SOX5: variants seen among roughly 807,000 people sequenced by gnomAD.
The protein encoded by SOX5 is SRY-box transcription factor 5, also known as transcription factor SOX-5.
In SOX5, 9 loss-of-function variants were observed where a neutral mutation model predicts 92.0. That is an observed-to-expected ratio of 0.10 (90% CI 0.06 to 0.17). SOX5 has a LOEUF of 0.17. Among genes scored for constraint, SOX5 ranks in the 10% least tolerant of loss-of-function variants. SOX5 has a pLI of 1.00. For synonymous variants in SOX5, 344 were observed against 336.3 expected, an observed-to-expected ratio of 1.02 and a Z score of -0.25; for missense variants, 642 against 944.5, an observed-to-expected ratio of 0.68 and a Z score of 4.20.
chr12:24,413,753 A>C (rs1964525860), intron 1 of SOX5, among the ~76,000 whole-genome samples: 1 of 152,240 alleles, frequency 6.6e-6, no homozygotes, highest in Non-Finnish European at 1.5e-5. Context: ...CTAGCCCACA[A>C]GAGGTTCCAA....
intron 4 of SOX5, among the ~76,000 whole-genome samples, chr12:24,110,459 C>T (rs986753850): frequency 6.6e-6 from 1 of 152,182 alleles, no homozygotes; most frequent in East Asian, 1.9e-4. Context: ...GATGACTGAT[C>T]TGGGAAGAGA....
At chr12:24,179,247 G>A (rs1333427712) in intron 4 of SOX5, among the ~76,000 whole-genome samples, 1 of 152,136 alleles carries the variant, frequency 6.6e-6, no homozygotes, top group Non-Finnish European at 1.5e-5. Flanking sequence ...ATCAATTTTT[G>A]TAACACTTTC....
intron 9 of SOX5, among the ~76,000 whole-genome samples, chr12:23,599,126 A>G (rs887147635): frequency 6.6e-6 from 1 of 152,222 alleles, no homozygotes; most frequent in African/African-American, 2.4e-5. Context: ...AATAGGAGTC[A>G]TCGGCACTGC....
Position 23,547,673 on chromosome 12 carries a change from A to AAATT in SOX5, c.1489-1253_1489-1250dup, listed in dbSNP as rs143712549. On this transcript the variant is annotated intron_variant, in intron 11 of 14. Coordinates refer to ENST00000451604, the MANE Select transcript of SOX5 (RefSeq NM_006940.6). ...TTGGAACTCCTGTACTCTATTCATC[A>AAATT]AATTATGTACATTATTTAATAGAAA... Among the ~76,000 whole-genome samples, 6 of 152,270 alleles carry AAATT rather than the reference A, an allele frequency of 3.9e-5. No individual in the cohort carries two copies. The East Asian group carries it at 1.2e-3, about 29-fold the overall frequency.
chr12:23,865,428 C>A (rs1048511844), intron 2 of SOX5, among the ~76,000 whole-genome samples: 1 of 152,166 alleles, frequency 6.6e-6, no homozygotes, highest in African/African-American at 2.4e-5. Flanking sequence ...GTAATCACAG[C>A]ACTTTGGGAG....
At chr12:23,884,670 T>G (rs2097042564) in intron 2 of SOX5, among the ~76,000 whole-genome samples, 1 of 152,172 alleles carries the variant, frequency 6.6e-6, no homozygotes, top group South Asian at 2.1e-4. Context: ...CTGAGCAGAA[T>G]TATTAAGTGC....
chr12:24,113,657 A>T (rs1593278336), intron 4 of SOX5, among the ~76,000 whole-genome samples: 1 of 152,342 alleles, frequency 6.6e-6, no homozygotes, highest in East Asian at 1.9e-4. Context: ...GGATGTAATT[A>T]TCAGTGGATA....
intron 2 of SOX5, among the ~76,000 whole-genome samples, chr12:23,886,466 A>C (rs1595379278): frequency 6.6e-6 from 1 of 152,154 alleles, no homozygotes; most frequent in East Asian, 1.9e-4. Flanking sequence ...CCATGGACAA[A>C]TGAGTTACCA....
In SOX5 at chr12:23,850,428, CA is replaced by C. The variant is rs1377680790; in HGVS notation, c.271-4236del. 6.4e-3 allele frequency among the ~76,000 whole-genome samples: 448 copies of C among 70,500 alleles called. 6 individuals carry two copies. In the East Asian group the frequency reaches 0.075, roughly 12 times the overall value. 46.3% of individuals were successfully genotyped at this position (70,500 alleles called of 152,430 possible). A position where few individuals can be genotyped will look rare whatever the true frequency, so the allele number is the denominator to read the frequency against. On this transcript the variant is annotated intron_variant, in intron 2 of 14. Transcript: ENST00000451604. ...TGGTGACAGAGTGAGACTCTGTCTA[CA>C]AAAAAAAAATAAATAAATAAATAAA... is the stretch of plus-strand genomic sequence containing the variant.
At chr12:23,838,843 T>TTTG (rs1555374991) in intron 3 of SOX5, among the ~76,000 whole-genome samples, 1 of 38,150 alleles carries the variant, frequency 2.6e-5, no homozygotes, top group African/African-American at 9.9e-5. Flanking sequence ...TCTTTTTTTT[T>TTTG]GGGGGGGGGG....
intron 2 of SOX5, among the ~76,000 whole-genome samples, chr12:24,339,633 T>C (rs1952347314): frequency 6.6e-6 from 1 of 152,072 alleles, no homozygotes; most frequent in Non-Finnish European, 1.5e-5. Flanking sequence ...AACAAAGAAA[T>C]GATTGTATAA....
intron 9 of SOX5, among the ~76,000 whole-genome samples, chr12:23,598,387 CTTTTTTTTTTTTTT>C (rs201719026): frequency 9.1e-4 from 87 of 95,160 alleles, no homozygotes; most frequent in Admixed American, 1.7e-3. Flanking sequence ...TGTGCTTTAT[CTTTTTTTTTTTTTT>C]TTTTTTTTTT....
chr12:23,918,021 A>C (rs2097435867), intron 1 of SOX5, among the ~76,000 whole-genome samples: 1 of 152,210 alleles, frequency 6.6e-6, no homozygotes. Context: ...ATTTCATAAA[A>C]TAAAGACTAC....
chr12:24,238,365 G>T (rs79613916), intron 3 of SOX5, among the ~76,000 whole-genome samples: 1 of 152,188 alleles, frequency 6.6e-6, no homozygotes, highest in East Asian at 1.9e-4. Context: ...GTAGTTTTTT[G>T]AGTTTTTTGT....
intron 4 of SOX5, among the ~76,000 whole-genome samples, chr12:24,185,132 T>C (rs1338963711): frequency 1.3e-5 from 2 of 152,148 alleles, no homozygotes; most frequent in African/African-American, 2.4e-5. Flanking sequence ...TAATGGGATA[T>C]AGATATGGGT....
chr12:23,707,704 T>A lies in SOX5; in HGVS notation c.810+26980A>T, dbSNP rs527899488. On this transcript the variant is annotated intron_variant, in intron 6 of 14. Coordinates refer to ENST00000451604, the MANE Select transcript of SOX5 (RefSeq NM_006940.6). ...AGCGTTTATTCATTCATTTTAAGGT[T>A]ACATTTTCCTTTCAGGAACTTTTTA... is the stretch of plus-strand genomic sequence containing the variant. Among the ~76,000 whole-genome samples, 48 of 152,286 alleles carry A rather than the reference T, an allele frequency of 3.2e-4. 1 individual carries two copies. The highest frequency in any genetic ancestry group is 1.2e-3 in the African/African-American group (48 of 41,560).
At chr12:23,583,746 C>T (rs985013035) in intron 9 of SOX5, among the ~76,000 whole-genome samples, 1 of 152,030 alleles carries the variant, frequency 6.6e-6, no homozygotes, top group Non-Finnish European at 1.5e-5. Context: ...TTTAAAAATG[C>T]TTTAGAGAAA....
intron 3 of SOX5, among the ~76,000 whole-genome samples, chr12:24,226,428 G>T (rs1961987756): frequency 6.6e-6 from 1 of 152,006 alleles, no homozygotes; most frequent in Non-Finnish European, 1.5e-5. Context: ...TCTTGGAAAT[G>T]TCTTCCATAT....
intron 6 of SOX5, among the ~76,000 whole-genome samples, chr12:23,699,516 GTTTAT>G (rs1420182570): frequency 2.0e-5 from 3 of 151,976 alleles, no homozygotes; most frequent in Non-Finnish European, 4.4e-5. Flanking sequence ...AGTTTTTTAT[GTTTAT>G]TTTTTGTGTG....
Sources: gnomAD v4.1 joint callset for allele counts (sites outside exome capture counted in the v4.1 genomes callset) on GRCh38, gnomAD v4.1.1 for gene constraint, MANE v1.5 for transcripts, NCBI Gene and HGNC (gene_info 2026-07-23, HGNC 2026-07-21) for gene names.